The following PIGN variants were observed in gnomAD, a reference collection of about 807,000 sequenced individuals.
PIGN encodes GPI ethanolamine phosphate transferase 1.
In PIGN, 117 loss-of-function variants were observed where a neutral mutation model predicts 125.4. The observed-to-expected ratio is 0.93, with a 90% CI of 0.80 to 1.09. PIGN has a LOEUF of 1.09. Among genes scored for constraint, PIGN ranks in the 50% least tolerant of loss-of-function variants. The pLI, the probability that PIGN is intolerant of heterozygous loss-of-function variation, is 0.00. For missense variants in PIGN, 1,075 were observed against 1,094.9 expected (o/e 0.98, Z 0.26); for synonymous variants, 392 against 377.8 (o/e 1.04, Z -0.44).
chr18:62,070,893 C>G (rs1477184065), intron 30 of PIGN, among the ~76,000 whole-genome samples: 3 of 152,004 alleles, frequency 2.0e-5, no homozygotes, highest in Non-Finnish European at 2.9e-5. Context: ...ACTCTTTTGA[C>G]CTCCCAGGCT....
At position 62,095,968 on chromosome 18, in the gene PIGN, AG is replaced by A; in HGVS notation, c.2078-19del. 2 of 1,506,052 alleles carry A rather than the reference AG, an allele frequency of 1.3e-6. No homozygotes were observed. Among genetic ancestry groups the A allele is most frequent in the Non-Finnish European group, 1.8e-6 (2 of 1,082,120 alleles). The allele number at this position is 1,506,052 out of a possible 1,614,324, so 93.3% of individuals were successfully genotyped here. ...GGAAGAGGCTGCAATGAAACAGAAC[AG>A]GTCATCTGTCAGTATAAGAGACACA... On this transcript the variant is annotated intron_variant, in intron 22 of 30. Coordinates refer to ENST00000640252, the MANE Select transcript of PIGN (RefSeq NM_176787.5).
intron 23 of PIGN, among the ~76,000 whole-genome samples, chr18:62,021,963 C>T (rs2030059116): frequency 6.6e-6 from 1 of 152,150 alleles, no homozygotes; most frequent in African/African-American, 2.4e-5. Flanking sequence ...GGCTATTAGC[C>T]ATTATTATTA....
At chr18:62,132,546 T>A (rs78722896) in intron 14 of PIGN, among the ~76,000 whole-genome samples, 1 of 152,136 alleles carries the variant, frequency 6.6e-6, no homozygotes, top group Admixed American at 6.5e-5. Context: ...ATATAATTAA[T>A]AAATTCTGAT....
chr18:62,082,537 G>A (rs1208241451), intron 28 of PIGN, 136 bp downstream of exon 28: 2 of 508,590 alleles, frequency 3.9e-6, no homozygotes, highest in Non-Finnish European at 7.0e-6. Flanking sequence ...CTAAACGGGT[G>A]AAAATTTTCT....
chr18:62,114,118 T>C (rs1300813150), intron 15 of PIGN, among the ~76,000 whole-genome samples: 1 of 152,196 alleles, frequency 6.6e-6, no homozygotes, highest in African/African-American at 2.4e-5. Context: ...TCCCAGCACT[T>C]TGGGAAGCCA....
chr18:62,068,950 G>A (rs1203313487), intron 30 of PIGN, among the ~76,000 whole-genome samples: 1 of 152,188 alleles, frequency 6.6e-6, no homozygotes, highest in Non-Finnish European at 1.5e-5. Flanking sequence ...CAGTACAAGA[G>A]AGACTACTCT....
At chr18:62,144,101 C>T (rs2147235824) in intron 10 of PIGN, among the ~76,000 whole-genome samples, 1 of 152,218 alleles carries the variant, frequency 6.6e-6, no homozygotes, top group South Asian at 2.1e-4. Context: ...AATGCCCATT[C>T]CTTTTCTCTA....
intron 14 of PIGN, among the ~76,000 whole-genome samples, chr18:62,134,164 G>A (rs932197944): frequency 1.3e-5 from 2 of 151,874 alleles, no homozygotes; most frequent in African/African-American, 4.8e-5. Context: ...GGAGGCCGAG[G>A]TGGGTGGATC....
intron 30 of PIGN, among the ~76,000 whole-genome samples, chr18:62,056,254 G>A (rs1487646059): frequency 2.0e-5 from 3 of 151,566 alleles, no homozygotes; most frequent in East Asian, 2.0e-4. Flanking sequence ...AATGTAATAC[G>A]GGCATTAGAA....
intron 14 of PIGN, among the ~76,000 whole-genome samples, chr18:62,135,385 T>C (rs2147080614): frequency 6.6e-6 from 1 of 152,244 alleles, no homozygotes; most frequent in Middle Eastern, 3.4e-3. Flanking sequence ...GGCTGGTCAC[T>C]ATGCTCTAGA....
At chr18:62,034,224 T>C (rs746370621) in intron 23 of PIGN, among the ~76,000 whole-genome samples, 1 of 152,222 alleles carries the variant, frequency 6.6e-6, no homozygotes, top group Non-Finnish European at 1.5e-5. Context: ...AAAGCCAATG[T>C]GTTCCTTGTT....
downstream of PIGN, among the ~76,000 whole-genome samples, chr18:62,038,841 C>T (rs2030296643): frequency 6.6e-6 from 1 of 151,816 alleles, no homozygotes; most frequent in African/African-American, 2.4e-5. Flanking sequence ...CTGTTTGAAC[C>T]CAGGAAGTCA....
At chr18:62,060,661 G>A (rs1568128786) in intron 30 of PIGN, among the ~76,000 whole-genome samples, 2 of 152,210 alleles carry the variant, frequency 1.3e-5, no homozygotes, top group East Asian at 3.9e-4. Flanking sequence ...ATTTCAATAA[G>A]GTATAACAAT....
In PIGN at chr18:62,137,252, C is replaced by T. The variant is rs1942440; in HGVS notation, c.1172+991G>A. On this transcript the variant is annotated intron_variant, in intron 14 of 30. Coordinates refer to ENST00000640252, the MANE Select transcript of PIGN (RefSeq NM_176787.5). ...CAGCTTTTAGACTCTTGGACTTACA[C>T]CAGTGGTTTGCTAGGGGCTCTCGGG... The T allele has an allele frequency of 9.4e-3, 3,839 of 409,200 alleles. 162 individuals are homozygous for T. The highest frequency in any genetic ancestry group is 0.074 in the Admixed American group (1,678 of 22,754). 25.3% of individuals were successfully genotyped at this position (409,200 alleles called of 1,614,324 possible).
At chr18:62,070,171 A>G (rs530909536) in intron 30 of PIGN, 1 of 377,350 alleles carries the variant, frequency 2.7e-6, no homozygotes, top group African/African-American at 2.1e-5. Context: ...TAGAGAGATT[A>G]AGTCACTTAG....
intron 14 of PIGN, among the ~76,000 whole-genome samples, chr18:62,124,222 A>T (rs2035417911): frequency 6.6e-6 from 1 of 152,196 alleles, no homozygotes; most frequent in Non-Finnish European, 1.5e-5. Context: ...TAGACCAAGC[A>T]TTCCACAGAA....
At chr18:62,119,980 A>T (rs2035237879) in intron 14 of PIGN, among the ~76,000 whole-genome samples, 1 of 152,192 alleles carries the variant, frequency 6.6e-6, no homozygotes, top group African/African-American at 2.4e-5. Context: ...AACAGGTCTA[A>T]TATGAATGTA....
intron 30 of PIGN, among the ~76,000 whole-genome samples, chr18:62,063,732 G>A (rs2156089): frequency 0.17 from 25,335 of 150,128 alleles, 2,889 homozygotes; most frequent in Middle Eastern, 0.27. Flanking sequence ...TATACACCAT[G>A]GAATACTATG....
At chr18:62,089,673 A>G (rs1302830937) in intron 24 of PIGN, among the ~76,000 whole-genome samples, 1 of 152,170 alleles carries the variant, frequency 6.6e-6, no homozygotes, top group Non-Finnish European at 1.5e-5. Flanking sequence ...AGTAATTATT[A>G]AATATGCCTC....
Sources: allele counts gnomAD v4.1 joint callset (sites outside exome capture counted in the v4.1 genomes callset), GRCh38; gene constraint gnomAD v4.1.1; transcripts MANE v1.5; gene names NCBI Gene and HGNC (gene_info 2026-07-23, HGNC 2026-07-21).